SEPTIN9: variants seen among roughly 807,000 people sequenced by gnomAD.
The protein encoded by SEPTIN9 is septin 9, also known as septin-9.
A neutral mutation model predicts 56.6 loss-of-function variants in SEPTIN9; 13 were observed. That is an observed-to-expected ratio of 0.23 (90% confidence interval 0.15 to 0.37). The LOEUF is 0.37. SEPTIN9 is among the 10% of genes least tolerant of loss of function. The probability of loss-of-function intolerance (pLI) is 1.00; values close to 1 mark genes in which losing one functional copy is unlikely to be tolerated. For synonymous variants in SEPTIN9, 332 were observed against 334.1 expected, an observed-to-expected ratio of 0.99 and a Z score of 0.07; for missense variants, 650 against 823.1, an observed-to-expected ratio of 0.79 and a Z score of 2.57.
chr17:77,344,737 C>T (rs960208888), intron 2 of SEPTIN9, among the ~76,000 whole-genome samples: 4 of 152,144 alleles, frequency 2.6e-5, no homozygotes, highest in South Asian at 2.1e-4. Flanking sequence ...TTTGGAAGGC[C>T]GAGGTGGGCA....
At chr17:77,352,929 A>G (rs1334603383) in intron 2 of SEPTIN9, among the ~76,000 whole-genome samples, 6 of 152,218 alleles carry the variant, frequency 3.9e-5, no homozygotes, top group African/African-American at 1.2e-4. Flanking sequence ...GATTAGAGAC[A>G]TGAGCTGCTG....
chr17:77,292,793 C>T (rs971029607), intron 1 of SEPTIN9, among the ~76,000 whole-genome samples: 1 of 151,956 alleles, frequency 6.6e-6, no homozygotes, highest in Non-Finnish European at 1.5e-5. Context: ...CAGGCCCGGC[C>T]GTTGAGATTA....
intron 1 of SEPTIN9, among the ~76,000 whole-genome samples, chr17:77,302,740 C>A (rs1468817805): frequency 1.3e-5 from 2 of 152,054 alleles, no homozygotes; most frequent in African/African-American, 2.4e-5. Flanking sequence ...AGTGTCCACC[C>A]CTGCAAAGCT....
chr17:77,456,056 C>T lies in SEPTIN9; in HGVS notation c.722-26088C>T, dbSNP rs567098952. Among the ~76,000 whole-genome samples the T allele has an allele frequency of 4.6e-5, 7 of 152,296 alleles. No homozygotes were observed. In the South Asian group the frequency reaches 6.2e-4, roughly 14 times the overall value. On this transcript the variant is annotated intron_variant, in intron 3 of 11. Transcript: ENST00000427177. This position sits in a 1 kb window ranked among gnomAD's most constrained non-coding sequence, Gnocchi z 6.0. ...GGAGGGTCTTGGGGCAGGATGGTGT[C>T]TTTTGTGCCTTGTGTGCTGGGGCCG...
chr17:77,459,273 G>A (rs988443641), intron 3 of SEPTIN9, among the ~76,000 whole-genome samples: 2 of 152,210 alleles, frequency 1.3e-5, no homozygotes. Context: ...GACCTGAACT[G>A]CCTGGTGCCA....
chr17:77,418,821 C>A (rs2144201333), intron 3 of SEPTIN9, among the ~76,000 whole-genome samples: 1 of 152,294 alleles, frequency 6.6e-6, no homozygotes, highest in South Asian at 2.1e-4. Context: ...GGTCTGTGGG[C>A]CGTGCTTCCA....
chr17:77,482,115 C>T (rs1170992340), intron 3 of SEPTIN9, 29 bp from the exon 4 acceptor site: 2 of 1,540,542 alleles, frequency 1.3e-6, no homozygotes, highest in Non-Finnish European at 1.7e-6. Flanking sequence ...CCCTGTTCCG[C>T]TCTAACTCCT....
Position 77,490,749 on chromosome 17 carries a change from C to A in SEPTIN9, c.1270C>A (p.Pro424Thr). The A allele has an allele frequency of 6.4e-7, 1 of 1,570,732 alleles. No individual in the cohort carries two copies. The highest frequency in any genetic ancestry group is 1.2e-5 in the South Asian group (1 of 85,446). ...FIPATGHSLR[P>T]LDIEFMKRLS... ...CACATCCCTCTGCTTCAGCCTCAGG[C>A]CCCTGGACATCGAGTTTATGAAACG... Residue 424 changes from proline to threonine, a missense_variant, in exon 8 of 12, where the codon CCC becomes ACC. This residue lies in a region of SEPTIN9 where 333 missense variants were observed against 494.0 expected (regional missense o/e 0.67). Coordinates refer to ENST00000427177, the MANE Select transcript of SEPTIN9 (RefSeq NM_001113491.2).
intron 2 of SEPTIN9, among the ~76,000 whole-genome samples, chr17:77,393,619 C>T (rs904770238): frequency 5.9e-5 from 9 of 152,190 alleles, no homozygotes; most frequent in Middle Eastern, 3.4e-3. Flanking sequence ...GATGGAGTTG[C>T]GCTCTTGTTG....
At chr17:77,455,745 G>A (rs182984503) in intron 3 of SEPTIN9, among the ~76,000 whole-genome samples, 123 of 152,336 alleles carry the variant, frequency 8.1e-4, no homozygotes, top group African/African-American at 2.5e-3. Context: ...GTTCCCAGAC[G>A]TCATAGGTGC....
intron 3 of SEPTIN9, among the ~76,000 whole-genome samples, chr17:77,468,862 G>A (rs1408729596): frequency 6.6e-6 from 1 of 152,228 alleles, no homozygotes; most frequent in Non-Finnish European, 1.5e-5. Flanking sequence ...AGTTTGGGAT[G>A]GATGAGTGGA....
chr17:77,464,307 A>C (rs1309639463), intron 3 of SEPTIN9, among the ~76,000 whole-genome samples: 1 of 152,072 alleles, frequency 6.6e-6, no homozygotes, highest in Non-Finnish European at 1.5e-5. Context: ...CGAACCCCTG[A>C]CCTCAAATAA....
At chr17:77,439,988 A>G (rs575771429) in intron 3 of SEPTIN9, among the ~76,000 whole-genome samples, 1 of 151,968 alleles carries the variant, frequency 6.6e-6, no homozygotes, top group Non-Finnish European at 1.5e-5. Context: ...CCTGTGAGGC[A>G]CCCCAGGTCC....
In SEPTIN9 at chr17:77,327,467, C is replaced by T. The variant is rs2033184009; in HGVS notation, c.76+20270C>T. Among the ~76,000 whole-genome samples, 1 of 152,176 alleles carries T rather than the reference C, an allele frequency of 6.6e-6. No homozygotes were observed. Among genetic ancestry groups the T allele is most frequent in the East Asian group, 1.9e-4 (1 of 5,184 alleles). On this transcript the variant is annotated intron_variant, in intron 2 of 11. Coordinates refer to ENST00000427177, the MANE Select transcript of SEPTIN9 (RefSeq NM_001113491.2). This position sits in a 1 kb window ranked among gnomAD's most constrained non-coding sequence, Gnocchi z 5.0. ...CATAGATTCTGGGGCTGCCTTGGTTCAAGCCCACCCTGACTTGGAGCCTGA... is the reference window on the plus strand; with the variant it reads ...CATAGATTCTGGGGCTGCCTTGGTTTAAGCCCACCCTGACTTGGAGCCTGA...
intron 3 of SEPTIN9, among the ~76,000 whole-genome samples, chr17:77,422,827 A>G (rs978745419): frequency 6.6e-6 from 1 of 152,076 alleles, no homozygotes; most frequent in Non-Finnish European, 1.5e-5. Context: ...AGCCCTCCAG[A>G]ACCAGAGTCT....
intron 2 of SEPTIN9, among the ~76,000 whole-genome samples, chr17:77,316,346 G>A (rs1169102262): frequency 6.6e-6 from 1 of 152,150 alleles, no homozygotes; most frequent in Non-Finnish European, 1.5e-5. Context: ...AGAGCCAATC[G>A]GTGCTGCCAG....
intron 3 of SEPTIN9, among the ~76,000 whole-genome samples, chr17:77,428,768 A>C (rs1488530135): frequency 6.6e-6 from 1 of 152,148 alleles, no homozygotes; most frequent in Non-Finnish European, 1.5e-5. Context: ...CACACTTCCC[A>C]GCTGGTGGGG....
At chr17:77,484,675 GATGTGGGTGGTGGTGGTGATT>G in intron 4 of SEPTIN9, among the ~76,000 whole-genome samples, 1 of 141,470 alleles carries the variant, frequency 7.1e-6, no homozygotes, top group Non-Finnish European at 1.5e-5. Flanking sequence ...TGATGGTGGT[GATGTGGGTGGTGGTGGTGATT>G]GTGATGGTGG....
chr17:77,490,352 C>T (rs980720678), intron 7 of SEPTIN9, among the ~76,000 whole-genome samples: 20 of 152,204 alleles, frequency 1.3e-4, no homozygotes, highest in Admixed American at 9.2e-4. Context: ...GCAGGGGCAC[C>T]GCACACTGGT....
Sources: gnomAD v4.1 joint callset for allele counts (sites outside exome capture counted in the v4.1 genomes callset) on GRCh38, gnomAD v4.1.1 for gene constraint, gnomAD v4.1.1 regional missense constraint, Gnocchi (gnomAD v3.1) non-coding constraint, MANE v1.5 for transcripts, NCBI Gene and HGNC (gene_info 2026-07-23, HGNC 2026-07-21) for gene names.